The following COL18A1 variants were observed in gnomAD, a reference collection of about 807,000 sequenced individuals.
COL18A1 encodes the protein collagen type XVIII alpha 1 chain.
Under a neutral mutation model 168.0 loss-of-function variants are expected in COL18A1, and 133 were observed. That is an observed-to-expected ratio of 0.79 (90% CI 0.69 to 0.91). COL18A1 has a LOEUF of 0.91. COL18A1 is among the 40% of genes least tolerant of loss of function. The pLI is 0.00. For synonymous variants in COL18A1, 949 were observed against 809.0 expected (o/e 1.17, Z -2.94); for missense variants, 2,126 against 1,925.4 (o/e 1.10, Z -1.95).
chr21:45,490,809 T>C, intron 20 of COL18A1, 27 bp from the exon 21 acceptor site: 1 of 1,549,730 alleles, frequency 6.5e-7, no homozygotes, highest in East Asian at 2.4e-5. Context: ...CTGTTGGTGA[T>C]GAACCATTTC....
intron 32 of COL18A1, chr21:45,502,743 G>C (rs1212804304): frequency 1.3e-5 from 2 of 152,176 alleles, no homozygotes; most frequent in Admixed American, 6.5e-5. Context: ...AGGGTGGAGG[G>C]ACCCTCAAGT....
chr21:45,510,939 A>AAACACACC (rs2037543052), intron 40 of COL18A1, among the ~76,000 whole-genome samples, 172 bp from the exon 41 acceptor site: 1 of 28,598 alleles, frequency 3.5e-5, no homozygotes, highest in African/African-American at 2.4e-4. Flanking sequence ...CCCCAAAAAA[A>AAACACACC]CACACACCCA....
At chr21:45,504,888 C>T (rs1274164861) in intron 34 of COL18A1, among the ~76,000 whole-genome samples, 2 of 149,528 alleles carry the variant, frequency 1.3e-5, no homozygotes, top group Non-Finnish European at 3.0e-5. Context: ...CCATGGGCCC[C>T]AGCTACTGCC....
chr21:45,477,887 G>A lies in COL18A1; in HGVS notation c.1143G>A (p.Ala381=), dbSNP rs2230689. ...PVSPLGPAGP[A]LQTVPGPQGP... Reference sequence around the variant, plus strand: ...GTCCCCTGGGTCCTGCAGGCCCAGCGTTGCAAACTGTCCCCGGACCACAAG... The same window carrying A: ...GTCCCCTGGGTCCTGCAGGCCCAGCATTGCAAACTGTCCCCGGACCACAAG... Residue 381 remains alanine (A), a synonymous_variant, in exon 8 of 42, where the codon GCG becomes GCA. Transcript: ENST00000651438. 8.3e-3 allele frequency: 13,041 copies of A among 1,562,254 alleles called. 275 individuals carry two copies. The East Asian group carries it at 0.086, about 10-fold the overall frequency.
chr21:45,471,173 G>A lies in COL18A1; in HGVS notation c.651+2387G>A, dbSNP rs139125765. Among the ~76,000 whole-genome samples, 487 of 152,216 alleles carry A rather than the reference G, an allele frequency of 3.2e-3. 1 individual carries two copies. The highest frequency in any genetic ancestry group is 4.8e-3 in the Non-Finnish European group (324 of 68,002). On this transcript the variant is annotated intron_variant, in intron 3 of 41. Coordinates refer to ENST00000651438, the MANE Select transcript of COL18A1 (RefSeq NM_001379500.1). This position sits in a 1 kb window ranked among gnomAD's most constrained non-coding sequence, Gnocchi z 4.4. ...GGTGGCGTGCAGCAGGCCGTGTGCT[G>A]CTGGGCGTGGGTGGCGCGCTATGGG...
chr21:45,509,062 C>T (rs17004783), intron 38 of COL18A1, among the ~76,000 whole-genome samples: 4,352 of 152,156 alleles, frequency 0.029, 161 homozygotes, highest in African/African-American at 0.086. Context: ...ATTGGAGCCG[C>T]GGCAAAGGAG....
chr21:45,458,714 C>G (rs1208548484), intron 2 of COL18A1, among the ~76,000 whole-genome samples: 1 of 152,200 alleles, frequency 6.6e-6, no homozygotes, highest in East Asian at 1.9e-4. Context: ...TCCTCCACTG[C>G]AAGCCCACGG....
At chr21:45,476,784 GGT>G (rs758385851) in intron 6 of COL18A1, among the ~76,000 whole-genome samples, 109 of 150,604 alleles carry the variant, frequency 7.2e-4, no homozygotes, top group South Asian at 6.5e-3. Flanking sequence ...TGTGTGGTGT[GGT>G]GTGTGTGTTG....
At chr21:45,489,367 TG>T (rs2036220496) in intron 18 of COL18A1, 118 bp from the exon 19 acceptor site, 1 of 800,576 alleles carries the variant, frequency 1.2e-6, no homozygotes, top group Non-Finnish European at 2.2e-6. Flanking sequence ...GGCTCTGGGC[TG>T]GGGGAGGGCG....
At chr21:45,480,285 A>G in intron 11 of COL18A1, 129 bp downstream of exon 11, 1 of 1,217,456 alleles carries the variant, frequency 8.2e-7, no homozygotes, top group South Asian at 1.3e-5. Flanking sequence ...CTGAGGGGTC[A>G]CAGGTGTGGT....
intron 2 of COL18A1, chr21:45,455,459 G>A (rs1002894782): frequency 5.3e-5 from 84 of 1,595,668 alleles, no homozygotes; most frequent in Non-Finnish European, 5.2e-5. Context: ...GCAGGAGGGC[G>A]TGAGCCTGGC....
chr21:45,497,575 G>A, intron 31 of COL18A1, 24 bp from the exon 32 acceptor site: 1 of 1,553,998 alleles, frequency 6.4e-7, no homozygotes, highest in Non-Finnish European at 8.7e-7. Context: ...ATTCCTGATG[G>A]GCACTGGGTC....
intron 2 of COL18A1, among the ~76,000 whole-genome samples, chr21:45,418,407 G>C (rs545963522): frequency 1.3e-5 from 2 of 152,102 alleles, no homozygotes; most frequent in African/African-American, 4.8e-5. Flanking sequence ...CAAGGCAGCC[G>C]TCCCTTCTTG....
At position 45,491,157 on chromosome 21, in the gene COL18A1, G is replaced by A. The variant is rs1430517624; in HGVS notation, c.2068-68G>A. 5 of 1,379,822 alleles carry A rather than the reference G, an allele frequency of 3.6e-6. No individual in the cohort carries two copies. In the Admixed American group the frequency reaches 5.0e-5, roughly 14 times the overall value. 85.5% of individuals were successfully genotyped at this position (1,379,822 alleles called of 1,614,324 possible). ...GGCTCTGGGCACCCCCTCCAGGGCT[G>A]GGTGGACTCTGGGGTCCTGGCCAGA... On this transcript the variant is annotated intron_variant, in intron 21 of 41. Transcript: ENST00000651438.
In COL18A1 at chr21:45,443,004, G is replaced by C. The variant is rs978442589; in HGVS notation, c.107-25238G>C. Reference sequence around the variant, plus strand: ...GGGTGGCGGTGCTGGTGTGGGCGGCGGTGCTGATGTGGGTGGTGGTGGTGC... The same window carrying C: ...GGGTGGCGGTGCTGGTGTGGGCGGCCGTGCTGATGTGGGTGGTGGTGGTGC... On this transcript the variant is annotated intron_variant, in intron 2 of 41. Coordinates refer to ENST00000651438, the MANE Select transcript of COL18A1 (RefSeq NM_001379500.1). This position sits in a 1 kb window ranked among gnomAD's most constrained non-coding sequence, Gnocchi z 5.2. 6.9e-5 allele frequency among the ~76,000 whole-genome samples: 10 copies of C among 145,838 alleles called. No homozygotes were observed. Among genetic ancestry groups the C allele is most frequent in the Admixed American group, 6.7e-4 (10 of 14,836 alleles).
intron 2 of COL18A1, among the ~76,000 whole-genome samples, chr21:45,439,621 C>T (rs1462007626): frequency 2.6e-5 from 4 of 152,240 alleles, no homozygotes; most frequent in African/African-American, 9.6e-5. Context: ...CTCCAGACGT[C>T]CTGGGCCAAG....
At chr21:45,430,350 C>T (rs932936073) in intron 2 of COL18A1, among the ~76,000 whole-genome samples, 5 of 152,344 alleles carry the variant, frequency 3.3e-5, no homozygotes, top group African/African-American at 7.2e-5. Flanking sequence ...AGCACCTCCC[C>T]GGTGCCTCTC....
rs115254367 is a variant in COL18A1, at chr21:45,415,951, T to C, written c.106+10478T>C. Among the ~76,000 whole-genome samples, 1,029 of 152,150 alleles carry C rather than the reference T, an allele frequency of 6.8e-3. 18 individuals are homozygous for C. The highest frequency in any genetic ancestry group is 0.024 in the African/African-American group (983 of 41,506). ...GTGGGCCCCCGCTTATCCAGAACAC[T>C]GCGTGGGCCCTCGGCTATCTGGAAT... is the stretch of plus-strand genomic sequence containing the variant. On this transcript the variant is annotated intron_variant, in intron 2 of 41. Transcript: ENST00000651438.
intron 2 of COL18A1, among the ~76,000 whole-genome samples, chr21:45,416,265 C>T (rs1462955861): frequency 2.6e-5 from 4 of 152,232 alleles, no homozygotes; most frequent in Admixed American, 2.6e-4. Context: ...CAGCCTGGAT[C>T]TCTGTCCTGC....
Sources: gnomAD v4.1 joint callset for allele counts (sites outside exome capture counted in the v4.1 genomes callset) on GRCh38, gnomAD v4.1.1 for gene constraint, Gnocchi (gnomAD v3.1) non-coding constraint, MANE v1.5 for transcripts, NCBI Gene and HGNC (gene_info 2026-07-23, HGNC 2026-07-21) for gene names.